The following RARB variants were observed in gnomAD, a reference collection of about 807,000 sequenced individuals.
RARB encodes the protein HBV-activated protein.
A neutral mutation model predicts 51.9 loss-of-function variants in RARB; 17 were observed. That is an observed-to-expected ratio of 0.33 (90% CI 0.22 to 0.49). The LOEUF is 0.49. RARB is among the 20% of genes least tolerant of loss of function. RARB has a pLI of 0.99. For synonymous variants in RARB, 215 were observed against 195.4 expected (o/e 1.10, Z -0.84); for missense variants, 369 against 550.8 (o/e 0.67, Z 3.30).
chr3:25,043,614 AAAGAT>A (rs1302806578), intron 2 of RARB, among the ~76,000 whole-genome samples: 1 of 152,250 alleles, frequency 6.6e-6, no homozygotes, highest in African/African-American at 2.4e-5. Flanking sequence ...CAGGGAGAGA[AAAGAT>A]AAAGTAGGCG....
intron 2 of RARB, among the ~76,000 whole-genome samples, chr3:24,975,744 C>A (rs1310879366): frequency 2.0e-5 from 3 of 150,816 alleles, no homozygotes; most frequent in Admixed American, 1.3e-4. Context: ...GCTAAATTTT[C>A]TTCTTTTTTG....
intron 5 of RARB, among the ~76,000 whole-genome samples, chr3:25,321,868 T>TA (rs1704581301): frequency 2.8e-5 from 4 of 142,340 alleles, no homozygotes; most frequent in East Asian, 2.0e-4. Context: ...TCTCTAAAAT[T>TA]TAAAAAAAAA....
rs1701942632 is a variant in RARB at position 25,597,844 on chromosome 3, G to GTTT, written c.*1229_*1231dup. 1 of 152,034 alleles carries GTTT rather than the reference G, an allele frequency of 6.6e-6. No homozygotes were observed. Among genetic ancestry groups the GTTT allele is most frequent in the East Asian group, 1.9e-4 (1 of 5,170 alleles). The allele number at this position is 152,034 out of a possible 1,614,324, so 9.4% of individuals were successfully genotyped here. On this transcript the variant is annotated 3_prime_UTR_variant, in exon 8 of 8. Coordinates refer to ENST00000330688, the MANE Select transcript of RARB (RefSeq NM_000965.5). ...CTGGCTCTGTTTGTACATTGAGATT[G>GTTT]TTTGTTTAACAATGCTTTCTATGTT...
intron 5 of RARB, among the ~76,000 whole-genome samples, chr3:25,295,710 T>C (rs1036396873): frequency 6.6e-6 from 1 of 152,196 alleles, no homozygotes; most frequent in East Asian, 1.9e-4. Context: ...TGGCCCACTT[T>C]TATTGCTGTG....
intron 5 of RARB, among the ~76,000 whole-genome samples, chr3:25,306,721 G>C (rs1704160979): frequency 6.6e-6 from 1 of 152,186 alleles, no homozygotes; most frequent in African/African-American, 2.4e-5. Flanking sequence ...AAAAAAAGCT[G>C]AATCTTTAAT....
chr3:25,574,054 T>C lies in RARB; in HGVS notation c.609+4136T>C, dbSNP rs551072289. On this transcript the variant is annotated intron_variant, in intron 4 of 7. Transcript: ENST00000330688. ...CCGCCATAAAAGGAGAGAGGGTGGA[T>C]TCCCTGTGGAAAGGTGGAAAGCAGG... 2.6e-5 allele frequency among the ~76,000 whole-genome samples: 4 copies of C among 152,258 alleles called. No homozygotes were observed. The South Asian group carries it at 6.2e-4, about 24-fold the overall frequency.
chr3:25,521,749 A>T (rs780207493), intron 3 of RARB, among the ~76,000 whole-genome samples: 1 of 152,148 alleles, frequency 6.6e-6, no homozygotes, highest in Non-Finnish European at 1.5e-5. Flanking sequence ...TCTATAAAAC[A>T]AGGGCATTGA....
At chr3:25,035,732 C>T (rs1431148996) in intron 2 of RARB, among the ~76,000 whole-genome samples, 1 of 152,152 alleles carries the variant, frequency 6.6e-6, no homozygotes, top group Non-Finnish European at 1.5e-5. Context: ...CAGCTCTGCC[C>T]TTGTAGTATG....
At chr3:25,273,580 C>T (rs1703303600) in intron 5 of RARB, among the ~76,000 whole-genome samples, 1 of 152,162 alleles carries the variant, frequency 6.6e-6, no homozygotes, top group African/African-American at 2.4e-5. Context: ...TAGGATAGCA[C>T]CTTTCAAGGT....
intron 4 of RARB, among the ~76,000 whole-genome samples, chr3:25,156,516 C>CAAAAAAAAAAAAAA (rs35710364): frequency 1.8e-5 from 1 of 56,812 alleles, no homozygotes; most frequent in African/African-American, 7.4e-5. Flanking sequence ...GCCCCAACTG[C>CAAAAAAAAAAAAAA]AAAAAAAAAA....
intron 2 of RARB, among the ~76,000 whole-genome samples, chr3:25,485,339 C>A (rs1051805836): frequency 1.3e-5 from 2 of 152,278 alleles, no homozygotes; most frequent in Admixed American, 1.3e-4. Flanking sequence ...TCCTCAGACC[C>A]CAGAGGAAAA....
intron 5 of RARB, among the ~76,000 whole-genome samples, chr3:25,316,390 T>C (rs1704425661): frequency 6.6e-6 from 1 of 151,942 alleles, no homozygotes; most frequent in Non-Finnish European, 1.5e-5. Flanking sequence ...GGCCAAATTA[T>C]TAAAAATGGT....
chr3:24,999,356 T>G (rs1697109586), intron 2 of RARB, among the ~76,000 whole-genome samples: 1 of 152,146 alleles, frequency 6.6e-6, no homozygotes, highest in Non-Finnish European at 1.5e-5. Flanking sequence ...TTTCCATGCA[T>G]ATCAGATTTT....
At chr3:25,265,193 G>C (rs73045997) in intron 5 of RARB, among the ~76,000 whole-genome samples, 16,289 of 152,184 alleles carry the variant, frequency 0.11, 1,121 homozygotes, top group Non-Finnish European at 0.16. Context: ...TTTGTATTCT[G>C]TGGTTACAAT....
chr3:24,881,506 A>G (rs1703165981), intron 2 of RARB, among the ~76,000 whole-genome samples: 1 of 152,190 alleles, frequency 6.6e-6, no homozygotes, highest in African/African-American at 2.4e-5. Flanking sequence ...GTACTTAGTA[A>G]ATTGATTTGT....
At chr3:25,294,145 G>C (rs1215094878) in intron 5 of RARB, among the ~76,000 whole-genome samples, 2 of 152,042 alleles carry the variant, frequency 1.3e-5, no homozygotes, top group Admixed American at 1.3e-4. Context: ...CTTGCCAAAA[G>C]GATCAGCATA....
chr3:25,567,564 T>C (rs372269999), intron 3 of RARB, among the ~76,000 whole-genome samples: 17 of 152,216 alleles, frequency 1.1e-4, no homozygotes, highest in African/African-American at 3.9e-4. Flanking sequence ...AACATTTGGG[T>C]TCTTTCCACT....
At chr3:25,549,996 C>A (rs1487150101) in intron 3 of RARB, among the ~76,000 whole-genome samples, 1 of 152,136 alleles carries the variant, frequency 6.6e-6, no homozygotes, top group Non-Finnish European at 1.5e-5. Context: ...TCCCTTCCAG[C>A]TGTAGAATTC....
At chr3:25,363,305 C>A (rs1417103848) in intron 5 of RARB, among the ~76,000 whole-genome samples, 3 of 152,058 alleles carry the variant, frequency 2.0e-5, no homozygotes. Flanking sequence ...TTGATGGCTC[C>A]CAAATGTTTA....
Sources: gnomAD v4.1 joint callset for allele counts (sites outside exome capture counted in the v4.1 genomes callset) on GRCh38, gnomAD v4.1.1 for gene constraint, MANE v1.5 for transcripts, NCBI Gene and HGNC (gene_info 2026-07-23, HGNC 2026-07-21) for gene names.